TSPAN11: variants seen among roughly 807,000 people sequenced by gnomAD.
TSPAN11 encodes tetraspanin-11.
Under a neutral mutation model 32.9 loss-of-function variants are expected in TSPAN11, and 29 were observed. The observed-to-expected ratio is 0.88, with a 90% CI of 0.66 to 1.20. The LOEUF is 1.20. Among genes scored for constraint, TSPAN11 ranks in the 50% most tolerant of loss-of-function variants. The probability of loss-of-function intolerance (pLI) is 0.00; values close to 1 mark genes in which losing one functional copy is unlikely to be tolerated. For missense variants in TSPAN11, 283 were observed against 329.1 expected (o/e 0.86, Z 1.08); for synonymous variants, 140 against 141.3 (o/e 0.99, Z 0.07).
downstream of TSPAN11, among the ~76,000 whole-genome samples, chr12:30,997,975 T>C (rs936454209): frequency 6.6e-6 from 1 of 152,228 alleles, no homozygotes; most frequent in African/African-American, 2.4e-5. Flanking sequence ...TGAAAGGTCA[T>C]AGCAGCGGCC....
intron 1 of TSPAN11, among the ~76,000 whole-genome samples, chr12:30,943,186 C>T (rs1325904975): frequency 6.6e-6 from 1 of 152,198 alleles, no homozygotes; most frequent in Non-Finnish European, 1.5e-5. Flanking sequence ...GGGGTCTCTG[C>T]CCAGGGCAGA....
the TSPAN11 span, among the ~76,000 whole-genome samples, chr12:31,013,551 T>G: frequency 1.3e-5 from 2 of 151,756 alleles, no homozygotes; most frequent in East Asian, 3.9e-4. Flanking sequence ...ATCATGCCAG[T>G]GTACTCCAGC....
intron 3 of TSPAN11, among the ~76,000 whole-genome samples, chr12:30,970,176 A>AGG (rs1938819187): frequency 3.3e-5 from 5 of 152,198 alleles, no homozygotes; most frequent in Non-Finnish European, 5.9e-5. Flanking sequence ...TCATGCCAGA[A>AGG]TCCGCTGAAC....
intron 2 of TSPAN11, among the ~76,000 whole-genome samples, chr12:30,960,736 G>A (rs1443823556): frequency 6.6e-6 from 1 of 151,940 alleles, no homozygotes; most frequent in Non-Finnish European, 1.5e-5. Flanking sequence ...ACAGGCTATG[G>A]CTTTGAAAAA....
rs535440964 is a variant in TSPAN11 at position 30,993,105 on chromosome 12, C to G, written c.*1190C>G. Reference sequence around the variant, plus strand: ...ATGCTGGCAGCTTTTTGTACAACACCCATAGGGACCCCCCCAAATGGCTAT... The same window carrying G: ...ATGCTGGCAGCTTTTTGTACAACACGCATAGGGACCCCCCCAAATGGCTAT... On this transcript the variant is annotated 3_prime_UTR_variant, in exon 8 of 8. Coordinates refer to ENST00000546076, the MANE Select transcript of TSPAN11 (RefSeq NM_001370302.1). 3 of 149,258 alleles carry G rather than the reference C, an allele frequency of 2.0e-5. No homozygotes were observed. In the South Asian group the frequency reaches 6.4e-4, roughly 32 times the overall value. 9.2% of individuals were successfully genotyped at this position (149,258 alleles called of 1,614,324 possible). A position where few individuals can be genotyped will look rare whatever the true frequency, so the allele number is the denominator to read the frequency against.
At chr12:30,931,879 C>CAGAAAAAA (rs1937939093) in intron 1 of TSPAN11, among the ~76,000 whole-genome samples, 1 of 60,872 alleles carries the variant, frequency 1.6e-5, no homozygotes, top group Non-Finnish European at 3.0e-5. Flanking sequence ...GACGCTGTAT[C>CAGAAAAAA]AAAAAAAAAA....
At chr12:30,934,514 C>T (rs1481693731) in intron 1 of TSPAN11, among the ~76,000 whole-genome samples, 1 of 152,208 alleles carries the variant, frequency 6.6e-6, no homozygotes, top group Non-Finnish European at 1.5e-5. Context: ...AGGTCCTGCT[C>T]TATCTGCCTT....
chr12:30,998,810 A>G (rs1459625099), downstream of TSPAN11: 1 of 152,238 alleles, frequency 6.6e-6, no homozygotes, highest in African/African-American at 2.4e-5. Context: ...ACTGTAGTTC[A>G]CGAAGCCCAA....
intron 7 of TSPAN11, among the ~76,000 whole-genome samples, chr12:30,989,941 G>A (rs906977798): frequency 4.6e-5 from 7 of 152,240 alleles, no homozygotes; most frequent in East Asian, 1.9e-4. Context: ...CCTCCAAGCC[G>A]GGCCCAACCC....
intron 3 of TSPAN11, among the ~76,000 whole-genome samples, chr12:30,968,197 G>A (rs1435831910): frequency 6.6e-6 from 1 of 152,228 alleles, no homozygotes; most frequent in African/African-American, 2.4e-5. Context: ...ACTAGACCAA[G>A]TGGTCCCTGA....
chr12:30,967,407 C>T (rs1250323706), intron 3 of TSPAN11, among the ~76,000 whole-genome samples: 1 of 152,238 alleles, frequency 6.6e-6, no homozygotes, highest in African/African-American at 2.4e-5. Context: ...TACCCTTCTG[C>T]ACTTCGGGGA....
intron 1 of TSPAN11, among the ~76,000 whole-genome samples, chr12:30,951,478 T>C (rs967707848): frequency 6.6e-6 from 1 of 152,232 alleles, no homozygotes; most frequent in African/African-American, 2.4e-5. Flanking sequence ...GAGGCAGAGA[T>C]TCTTTATTCA....
At chr12:30,957,705 C>CTCCT (rs1265062204) in intron 2 of TSPAN11, among the ~76,000 whole-genome samples, 13 of 52,390 alleles carry the variant, frequency 2.5e-4, no homozygotes, top group Non-Finnish European at 2.4e-4. Flanking sequence ...CCCTCCCTCC[C>CTCCT]TCCTTCCTTC....
intron 7 of TSPAN11, among the ~76,000 whole-genome samples, chr12:30,989,405 G>A (rs915451537): frequency 6.6e-6 from 1 of 152,154 alleles, no homozygotes; most frequent in African/African-American, 2.4e-5. Context: ...GGGGAGCGGG[G>A]GTCTTTATCC....
intron 5 of TSPAN11, among the ~76,000 whole-genome samples, chr12:30,981,917 A>G (rs1176551037): frequency 2.0e-5 from 3 of 152,222 alleles, no homozygotes; most frequent in Non-Finnish European, 4.4e-5. Flanking sequence ...AAAGGCAAGA[A>G]GCAACCCATG....
downstream of TSPAN11, among the ~76,000 whole-genome samples, chr12:31,001,540 G>A (rs1002939534): frequency 3.3e-5 from 5 of 152,330 alleles, no homozygotes; most frequent in East Asian, 9.6e-4. Flanking sequence ...TGTTGTCTAG[G>A]TGCTTGGCAT....
intron 7 of TSPAN11, chr12:30,988,736 T>C (rs1350583942): frequency 9.2e-5 from 14 of 151,818 alleles, no homozygotes; most frequent in Admixed American, 8.5e-4. Flanking sequence ...GGGTTCAGAG[T>C]CCCCGGGCTC....
intron 3 of TSPAN11, among the ~76,000 whole-genome samples, chr12:30,972,166 G>A (rs186710597): frequency 4.6e-5 from 7 of 152,242 alleles, no homozygotes; most frequent in East Asian, 1.9e-4. Flanking sequence ...TGGAAGGACC[G>A]GCAGCCCTGG....
At chr12:30,982,488 G>A (rs776247059) in intron 5 of TSPAN11, 44 bp from the exon 6 acceptor site, 6 of 1,582,336 alleles carry the variant, frequency 3.8e-6, no homozygotes, top group African/African-American at 1.3e-5. Flanking sequence ...GGGACCCTAC[G>A]CAGGCCTCTC....
Sources: gnomAD v4.1 joint callset for allele counts (sites outside exome capture counted in the v4.1 genomes callset) on GRCh38, gnomAD v4.1.1 for gene constraint, MANE v1.5 for transcripts, NCBI Gene and HGNC (gene_info 2026-07-23, HGNC 2026-07-21) for gene names.